Variants in EIF3B observed in about 807,000 individuals in gnomAD.
EIF3B encodes the protein eukaryotic translation initiation factor 3 subunit B.
In EIF3B, 10 loss-of-function variants were observed where a neutral mutation model predicts 104.6. That is an observed-to-expected ratio of 0.10 (90% CI 0.06 to 0.16). EIF3B has a LOEUF of 0.16. Among genes scored for constraint, EIF3B ranks in the 10% least tolerant of loss-of-function variants. EIF3B has a pLI of 1.00. For missense variants in EIF3B, 1,014 were observed against 1,087.9 expected, an observed-to-expected ratio of 0.93 and a Z score of 0.96; for synonymous variants, 542 against 417.2, an observed-to-expected ratio of 1.30 and a Z score of -3.65.
rs1562491955 is a variant in EIF3B, at chr7:2,377,030, G to A, written c.2109G>A (p.Leu703=). The A allele has an allele frequency of 3.1e-6, 5 of 1,613,800 alleles. No individual in the cohort carries two copies. The highest frequency in any genetic ancestry group is 4.2e-6 in the Non-Finnish European group (5 of 1,180,002). Residue 703 remains leucine (L), a synonymous_variant, in exon 15 of 19, where the codon CTG becomes CTA. Coordinates refer to ENST00000360876, the MANE Select transcript of EIF3B (RefSeq NM_001037283.2). ...ACAAGGACCGCTTCTGCCAGCTGCT[G>A]TGGCGGCCCCGGCCTCCCACACTCC... The part of the protein sequence containing the change: ...KNNKDRFCQL[L]WRPRPPTLLS...
At position 2,380,309 on chromosome 7, in the gene EIF3B, G is replaced by A. The variant is rs111842567; in HGVS notation, c.*120G>A. ...CCGTGTGTGCTGTGGAGCCGAGGCC[G>A]TCCTGCAGGAAGCCGCGTGACTCCC... On this transcript the variant is annotated 3_prime_UTR_variant, in exon 19 of 19. Transcript: ENST00000360876. 1.5e-5 allele frequency: 8 copies of A among 516,582 alleles called. No homozygotes were observed. Among genetic ancestry groups the A allele is most frequent in the African/African-American group, 5.8e-5 (3 of 51,942 alleles). 32.0% of individuals were successfully genotyped at this position (516,582 alleles called of 1,614,324 possible).
chr7:2,360,832 C>T lies in EIF3B; in HGVS notation c.622C>T (p.His208Tyr). The T allele has an allele frequency of 6.2e-7, 1 of 1,613,802 alleles. No homozygotes were observed. The highest frequency in any genetic ancestry group is 1.1e-5 in the South Asian group (1 of 91,056). Reference protein sequence around the residue: ...DRLEKLKNVIHKIFSKFGKIT... With the variant: ...DRLEKLKNVIYKIFSKFGKIT... ...ACTTGAGAAACTCAAAAATGTCATCCACAAGATCTTTTCCAAGTTTGGGAA... is the reference window on the plus strand; with the variant it reads ...ACTTGAGAAACTCAAAAATGTCATCTACAAGATCTTTTCCAAGTTTGGGAA... The change falls in exon 2 of 19, where the codon CAC becomes TAC. Residue 208 changes from histidine (H) to tyrosine (Y), a missense_variant. Physicochemically the swap from His to Tyr is moderately conservative, Grantham distance 83. Coordinates refer to ENST00000360876, the MANE Select transcript of EIF3B (RefSeq NM_001037283.2).
chr7:2,378,754 C>T lies in EIF3B; in HGVS notation c.2220C>T (p.Ser740=). Residue 740 remains serine (S), a synonymous_variant, in exon 16 of 19, where the codon TCC becomes TCT. Coordinates refer to ENST00000360876, the MANE Select transcript of EIF3B (RefSeq NM_001037283.2). ...IFEQKDRLSQ[S]KASKELVERR... ...AACAGAAGGATCGTTTGAGTCAGTC[C>T]AAAGCCTCAAAGGTGAGCCTCATTC... 1 of 1,613,616 alleles carries T rather than the reference C, an allele frequency of 6.2e-7. No individual in the cohort carries two copies. The highest frequency in any genetic ancestry group is 8.5e-7 in the Non-Finnish European group (1 of 1,179,644).
rs150678614 is a variant in EIF3B, at chr7:2,372,760, A to G, written c.1775A>G (p.Tyr592Cys). The G allele has an allele frequency of 1.2e-6, 2 of 1,614,152 alleles. No individual in the cohort carries two copies. The highest frequency in any genetic ancestry group is 1.3e-5 in the African/African-American group (1 of 75,048). ...GEAPRISVSF[Y>C]HVKNNGKIEL... is the part of the protein sequence containing the mutation. ...GCTCCGCGGATATCTGTGTCTTTCTACCACGTCAAAAACAACGGGAAGATT... is the reference window on the plus strand; with the variant it reads ...GCTCCGCGGATATCTGTGTCTTTCTGCCACGTCAAAAACAACGGGAAGATT... Residue 592 changes from tyrosine to cysteine, a missense_variant, in exon 12 of 19, where the codon TAC becomes TGC. Physicochemically the swap from Tyr to Cys is radical, Grantham distance 194. Around this residue, in one of 4 missense-constraint regions of EIF3B, gnomAD observed 266 missense variants for 324.0 expected, o/e 0.82. Transcript: ENST00000360876.
intron 4 of EIF3B, among the ~76,000 whole-genome samples, chr7:2,363,375 CT>C (rs1779842966): frequency 6.6e-6 from 1 of 151,496 alleles, no homozygotes; most frequent in Non-Finnish European, 1.5e-5. Context: ...GGGAGGATCA[CT>C]TGAGCCTGGG....
intron 14 of EIF3B, chr7:2,376,699 G>C: frequency 2.3e-6 from 1 of 437,276 alleles, no homozygotes; most frequent in East Asian, 4.0e-5. Flanking sequence ...CTTATTGCCA[G>C]CCAGAATGTG....
chr7:2,378,923 G>C, intron 16 of EIF3B, 157 bp downstream of exon 16: 1 of 777,720 alleles, frequency 1.3e-6, no homozygotes, highest in South Asian at 1.8e-5. Context: ...GGGAACTGGG[G>C]TTGGCACGGG....
intron 9 of EIF3B, among the ~76,000 whole-genome samples, chr7:2,368,281 T>G (rs1402911993): frequency 6.6e-6 from 1 of 152,042 alleles, no homozygotes; most frequent in Non-Finnish European, 1.5e-5. Context: ...TAGCTGGAAT[T>G]ACAGGCGCGC....
At chr7:2,367,363 C>G (rs1257265412) in intron 9 of EIF3B, among the ~76,000 whole-genome samples, 4 of 152,116 alleles carry the variant, frequency 2.6e-5, no homozygotes, top group Admixed American at 6.5e-5. Flanking sequence ...AGGCCCCACC[C>G]CATGCCGTCA....
At position 2,377,637 on chromosome 7, in the gene EIF3B, C is replaced by G. The variant is rs866556064; in HGVS notation, c.2154+562C>G. ...GCGAGCTCTCCTGGGAATCCGTGTT[C>G]TGTGAATGACCCTGGGTGTCAAGGA... On this transcript the variant is annotated intron_variant, in intron 15 of 18. Transcript: ENST00000360876. Among the ~76,000 whole-genome samples, 224 of 94,650 alleles carry G rather than the reference C, an allele frequency of 2.4e-3. 6 individuals carry two copies. Among genetic ancestry groups the G allele is most frequent in the Non-Finnish European group, 2.9e-3 (149 of 52,202 alleles). The allele number at this position is 94,650 out of a possible 152,430, so 62.1% of individuals were successfully genotyped here. A position where few individuals can be genotyped will look rare whatever the true frequency, so the allele number is the denominator to read the frequency against.
chr7:2,361,000 C>A, intron 2 of EIF3B, 98 bp downstream of exon 2: 1 of 1,027,366 alleles, frequency 9.7e-7, no homozygotes, highest in Non-Finnish European at 1.4e-6. Context: ...CCTGCCTTGC[C>A]CAGGCACGTG....
intron 13 of EIF3B, 71 bp downstream of exon 13, chr7:2,374,677 C>T: frequency 7.1e-7 from 1 of 1,400,066 alleles, no homozygotes; most frequent in South Asian, 1.2e-5. Context: ...CCCTCAGGCG[C>T]CTGCACCCGG....
At chr7:2,376,637 G>A (rs1345899437) in intron 14 of EIF3B, 5 of 300,394 alleles carry the variant, frequency 1.7e-5, no homozygotes, top group Non-Finnish European at 3.1e-5. Flanking sequence ...AATCCAGCAC[G>A]GGGTTCAGCG....
intron 1 of EIF3B, among the ~76,000 whole-genome samples, chr7:2,359,553 C>T (rs774842670): frequency 2.6e-5 from 4 of 152,156 alleles, no homozygotes; most frequent in Non-Finnish European, 2.9e-5. Flanking sequence ...TCGTCTATAT[C>T]CTCTGTAACG....
chr7:2,362,904 C>G, intron 3 of EIF3B, 140 bp downstream of exon 3: 1 of 1,441,858 alleles, frequency 6.9e-7, no homozygotes, highest in Non-Finnish European at 9.5e-7. Flanking sequence ...AGAGCCATTT[C>G]ACAGCCCTGC....
intron 1 of EIF3B, 58 bp downstream of exon 1, chr7:2,355,478 A>G (rs1372510444): frequency 6.4e-6 from 9 of 1,396,766 alleles, no homozygotes; most frequent in Non-Finnish European, 8.4e-6. Context: ...GGGGTTCCCG[A>G]GGTGGGAGAT....
chr7:2,367,431 C>T (rs538243361), intron 9 of EIF3B, among the ~76,000 whole-genome samples: 7 of 150,530 alleles, frequency 4.7e-5, no homozygotes, highest in African/African-American at 1.7e-4. Flanking sequence ...TGGTCCATTG[C>T]AGTTGGTTTC....
At chr7:2,366,218 C>T in intron 6 of EIF3B, 99 bp from the exon 7 acceptor site, 2 of 1,326,770 alleles carry the variant, frequency 1.5e-6, no homozygotes, top group Non-Finnish European at 2.1e-6. Flanking sequence ...GGGGAGAGAG[C>T]TGGTTCCGCG....
chr7:2,355,014 C>A lies in EIF3B; in HGVS notation c.93C>A (p.Ala31=). 8.4e-7 allele frequency: 1 copy of A among 1,185,010 alleles called. No homozygotes were observed. Among genetic ancestry groups the A allele is most frequent in the South Asian group, 4.1e-5 (1 of 24,672 alleles). The allele number at this position is 1,185,010 out of a possible 1,614,324, so 73.4% of individuals were successfully genotyped here. The change falls in exon 1 of 19, where the codon GCC becomes GCA. Residue 31 remains alanine (A), a synonymous_variant. Coordinates refer to ENST00000360876, the MANE Select transcript of EIF3B (RefSeq NM_001037283.2). ...QQQPAAEPPP[A]EGLLRPAGPG... ...AGCCGGCCGCCGAGCCGCCGCCAGC[C>A]GAGGGGCTGCTGCGGCCCGCGGGGC...
Sources: gnomAD v4.1 joint callset for allele counts (sites outside exome capture counted in the v4.1 genomes callset) on GRCh38, gnomAD v4.1.1 for gene constraint, gnomAD v4.1.1 regional missense constraint, MANE v1.5 for transcripts, NCBI Gene and HGNC (gene_info 2026-07-23, HGNC 2026-07-21) for gene names.